Variants in DLC1 observed in about 807,000 individuals in gnomAD.
The protein encoded by DLC1 is DLC1 Rho GTPase activating protein.
In DLC1, 54 loss-of-function variants were observed where a neutral mutation model predicts 140.3. The observed-to-expected ratio is 0.38, with a 90% CI of 0.31 to 0.48. DLC1 has a LOEUF of 0.48. DLC1 is among the 20% of genes least tolerant of loss of function. The pLI is 0.96. For missense variants in DLC1, 2,536 were observed against 1,907.0 expected (o/e 1.33, Z -6.14); for synonymous variants, 986 against 728.1 (o/e 1.35, Z -5.70).
intron 1 of DLC1, among the ~76,000 whole-genome samples, chr8:13,551,860 G>A (rs960090844): frequency 7.3e-5 from 9 of 123,694 alleles, no homozygotes; most frequent in Non-Finnish European, 1.4e-4. Context: ...CTCTAGACAA[G>A]TGTGTGTATA....
At position 13,313,440 on chromosome 8, in the gene DLC1, A is replaced by G. The variant is rs564345892; in HGVS notation, c.1315-8138T>C. ...TTTCTTACTGCCACTAATTGGCATG[A>G]TGATTTTTGGCACTTTTCTAGAACT... On this transcript the variant is annotated intron_variant, in intron 4 of 17. Transcript: ENST00000276297. 9.3e-4 allele frequency among the ~76,000 whole-genome samples: 141 copies of G among 152,322 alleles called. 2 individuals are homozygous for G. Among genetic ancestry groups the G allele is most frequent in the African/African-American group, 3.3e-3 (139 of 41,580 alleles).
chr8:13,194,987 G>A, intron 5 of DLC1, among the ~76,000 whole-genome samples: 1 of 152,168 alleles, frequency 6.6e-6, no homozygotes, highest in East Asian at 1.9e-4. Context: ...TCCAGTGTGG[G>A]TGACAGAGCA....
chr8:13,307,951 C>A (rs1033160427), intron 4 of DLC1, among the ~76,000 whole-genome samples: 1 of 152,132 alleles, frequency 6.6e-6, no homozygotes, highest in Admixed American at 6.6e-5. Flanking sequence ...TTACTTAGAA[C>A]ACAAAATACC....
At position 13,189,459 on chromosome 8, in the gene DLC1, C is replaced by A. The variant is rs550259352; in HGVS notation, c.1349-73802G>T. 1.8e-4 allele frequency among the ~76,000 whole-genome samples: 27 copies of A among 151,406 alleles called. No homozygotes were observed. In the South Asian group the frequency reaches 5.4e-3, roughly 30 times the overall value. On this transcript the variant is annotated intron_variant, in intron 5 of 17. Coordinates refer to ENST00000276297, the MANE Select transcript of DLC1 (RefSeq NM_182643.3). ...TGCCATTGCACTCCACCCAAGCAAA[C>A]AAAAAGAAAAAGCCTATGGAATTCA...
At chr8:13,524,568 T>C (rs1802861985) in intron 1 of DLC1, among the ~76,000 whole-genome samples, 5 of 152,218 alleles carry the variant, frequency 3.3e-5, no homozygotes, top group Admixed American at 1.3e-4. Context: ...CTGCATGATT[T>C]TTTATCTAAT....
intron 4 of DLC1, among the ~76,000 whole-genome samples, chr8:13,314,089 T>C (rs1832778896): frequency 6.6e-6 from 1 of 152,120 alleles, no homozygotes; most frequent in African/African-American, 2.4e-5. Flanking sequence ...GGGTGACTTC[T>C]GAATTGTAGG....
At chr8:13,438,109 T>C (rs1475328713) in intron 2 of DLC1, among the ~76,000 whole-genome samples, 1 of 152,082 alleles carries the variant, frequency 6.6e-6, no homozygotes, top group Non-Finnish European at 1.5e-5. Context: ...AAGCAATGGT[T>C]CTCAATTCCA....
At chr8:13,212,383 C>G (rs950779877) in intron 5 of DLC1, among the ~76,000 whole-genome samples, 4 of 152,184 alleles carry the variant, frequency 2.6e-5, no homozygotes, top group African/African-American at 9.6e-5. Context: ...AGGAATTACT[C>G]TCTGCTCTGC....
intron 5 of DLC1, among the ~76,000 whole-genome samples, chr8:13,212,654 C>T (rs968332949): frequency 2.0e-5 from 3 of 152,026 alleles, no homozygotes; most frequent in South Asian, 2.1e-4. Flanking sequence ...AATGATTGCC[C>T]GTTTTTAATG....
intron 15 of DLC1, 33 bp from the exon 16 acceptor site, chr8:13,088,737 C>G (rs916097371): frequency 6.2e-6 from 10 of 1,604,010 alleles, no homozygotes; most frequent in Middle Eastern, 3.5e-4. Flanking sequence ...AGTGCCAAGG[C>G]AATCCATACA....
chr8:13,338,666 C>A (rs1445208660), intron 4 of DLC1: 1 of 152,156 alleles, frequency 6.6e-6, no homozygotes, highest in Admixed American at 6.6e-5. Flanking sequence ...TGTCCCCACA[C>A]CTCATCTGTA....
intron 5 of DLC1, among the ~76,000 whole-genome samples, chr8:13,223,285 G>A (rs1014379530): frequency 2.0e-5 from 3 of 151,920 alleles, no homozygotes; most frequent in East Asian, 1.9e-4. Context: ...GAACAACCCC[G>A]CCCCCAGCAA....
chr8:13,514,728 T>C lies in DLC1; in HGVS notation c.-252A>G. 2.5e-6 allele frequency: 1 copy of C among 398,338 alleles called. No homozygotes were observed. The highest frequency in any genetic ancestry group is 4.4e-6 in the Non-Finnish European group (1 of 225,872). 24.7% of individuals were successfully genotyped at this position (398,338 alleles called of 1,614,324 possible). A position where few individuals can be genotyped will look rare whatever the true frequency, so the allele number is the denominator to read the frequency against. The stretch of plus-strand genomic sequence containing the variant: ...TTTCGTGGTTGAGATCATGGCTCTA[T>C]TCTGAGCAGTTTCACGCAGTGTGTG... On this transcript the variant is annotated 5_prime_UTR_variant, in exon 1 of 18. Transcript: ENST00000276297.
intron 5 of DLC1, among the ~76,000 whole-genome samples, chr8:13,255,893 T>C (rs1253183226): frequency 1.3e-5 from 2 of 152,218 alleles, no homozygotes; most frequent in Non-Finnish European, 1.5e-5. Flanking sequence ...CTTTTTATTG[T>C]TTAATGTACC....
At position 13,590,077 on chromosome 8, in the gene DLC1, A is replaced by ATATATATATATATATATATCTC. The variant is rs11272767; in HGVS notation, c.-126+14459_-126+14460insGAGATATATATATATATATATA. Among the ~76,000 whole-genome samples the ATATATATATATATATATATCTC allele has an allele frequency of 2.7e-3, 395 of 145,208 alleles. 5 individuals carry two copies. Among genetic ancestry groups the ATATATATATATATATATATCTC allele is most frequent in the South Asian group, 6.0e-3 (28 of 4,656 alleles). ...ACTCAACATGCATATATATATATAT[A>ATATATATATATATATATATCTC]CAAACACATGCTTTTATTTTGTTTT... On this transcript the variant is annotated intron_variant, in intron 1 of 1. Coordinates refer to the DLC1 transcript ENST00000631382.
intron 5 of DLC1, among the ~76,000 whole-genome samples, chr8:13,212,333 T>C (rs1164654730): frequency 6.6e-6 from 1 of 152,190 alleles, no homozygotes; most frequent in African/African-American, 2.4e-5. Flanking sequence ...CACATTTCAA[T>C]GGCACACTGC....
chr8:13,412,722 A>C (rs1208626119), intron 2 of DLC1, among the ~76,000 whole-genome samples: 4 of 151,994 alleles, frequency 2.6e-5, no homozygotes, highest in African/African-American at 7.2e-5. Context: ...TCACGAGGTC[A>C]GGAGATAGAG....
intron 3 of DLC1, among the ~76,000 whole-genome samples, chr8:13,400,217 G>A (rs1837233511): frequency 6.6e-6 from 1 of 152,194 alleles, no homozygotes; most frequent in African/African-American, 2.4e-5. Context: ...CCTGGTGTGA[G>A]TGAGTCTAGT....
chr8:13,415,441 C>G (rs1359933845), intron 2 of DLC1, among the ~76,000 whole-genome samples: 1 of 151,246 alleles, frequency 6.6e-6, no homozygotes, highest in African/African-American at 2.4e-5. Flanking sequence ...GCTCTTTCAC[C>G]CAGGCTGGAG....
Sources: allele counts gnomAD v4.1 joint callset (sites outside exome capture counted in the v4.1 genomes callset), GRCh38; gene constraint gnomAD v4.1.1; transcripts MANE v1.5; gene names NCBI Gene and HGNC (gene_info 2026-07-23, HGNC 2026-07-21).